Variants in KCNJ10 observed in about 807,000 individuals in gnomAD.
KCNJ10 encodes the protein ATP-sensitive inward rectifier potassium channel 10.
A neutral mutation model predicts 22.2 loss-of-function variants in KCNJ10; 9 were observed. The observed-to-expected ratio is 0.40, with a 90% confidence interval of 0.24 to 0.71. KCNJ10 has a LOEUF of 0.71. Among genes scored for constraint, KCNJ10 ranks in the 30% least tolerant of loss-of-function variants. The pLI, the probability that KCNJ10 is intolerant of heterozygous loss-of-function variation, is 0.35. For synonymous variants in KCNJ10, 184 were observed against 187.3 expected, an observed-to-expected ratio of 0.98 and a Z score of 0.15; for missense variants, 337 against 482.7, an observed-to-expected ratio of 0.70 and a Z score of 2.83.
intron 1 of KCNJ10, among the ~76,000 whole-genome samples, chr1:160,049,680 TATATATATATATATATATA>T (rs1557970355): frequency 0.015 from 1,102 of 71,370 alleles, 66 homozygotes; most frequent in African/African-American, 0.059. Flanking sequence ...TTTATTTATA[TATATATATATATATATATA>T]TATATATATA....
intron 1 of KCNJ10, among the ~76,000 whole-genome samples, chr1:160,049,685 A>ATATT (rs1648844566): frequency 1.0e-5 from 1 of 98,864 alleles, no homozygotes; most frequent in Admixed American, 1.0e-4. Flanking sequence ...TTATATATAT[A>ATATT]TATATATATA....
At position 160,040,729 on chromosome 1, in the gene KCNJ10, G is replaced by A. The variant is rs1020011282; in HGVS notation, c.*664C>T. ...TCTTGGGCCAACTCCAATTCTCTGAGAACAGAGGCTATGAGGGAACTGGGT... is the reference window on the plus strand; with the variant it reads ...TCTTGGGCCAACTCCAATTCTCTGAAAACAGAGGCTATGAGGGAACTGGGT... On this transcript the variant is annotated 3_prime_UTR_variant, in exon 2 of 2. Coordinates refer to ENST00000644903, the MANE Select transcript of KCNJ10 (RefSeq NM_002241.5). 5.0e-6 allele frequency: 2 copies of A among 398,144 alleles called. No homozygotes were observed. The highest frequency in any genetic ancestry group is 8.8e-6 in the Non-Finnish European group (2 of 226,250). 24.7% of individuals were successfully genotyped at this position (398,144 alleles called of 1,614,324 possible).
chr1:160,058,532 C>A (rs1324667454), intron 1 of KCNJ10, among the ~76,000 whole-genome samples: 1 of 152,228 alleles, frequency 6.6e-6, no homozygotes, highest in Non-Finnish European at 1.5e-5. Flanking sequence ...CTTAAAGCTT[C>A]TTCCTGCACT....
intron 1 of KCNJ10, chr1:160,063,588 A>G (rs902781305): frequency 2.0e-5 from 3 of 152,320 alleles, no homozygotes; most frequent in African/African-American, 7.2e-5. Flanking sequence ...GGGAAAAGAA[A>G]GGTAAAGTCT....
intron 1 of KCNJ10, among the ~76,000 whole-genome samples, chr1:160,068,572 C>T (rs1194521923): frequency 6.6e-6 from 1 of 152,180 alleles, no homozygotes; most frequent in Non-Finnish European, 1.5e-5. Flanking sequence ...CAGCCCTGGA[C>T]CCTCTCCCTG....
chr1:160,065,080 G>C (rs41265755), intron 1 of KCNJ10: 1 of 152,072 alleles, frequency 6.6e-6, no homozygotes, highest in Non-Finnish European at 1.5e-5. Flanking sequence ...ATTTGTGTTG[G>C]GGGGGTGGGT....
chr1:160,061,304 C>T (rs1214619201), intron 1 of KCNJ10, among the ~76,000 whole-genome samples: 3 of 152,190 alleles, frequency 2.0e-5, no homozygotes, highest in Non-Finnish European at 4.4e-5. Flanking sequence ...CTCTCAGAGC[C>T]TTGCTGGGAA....
chr1:160,052,880 T>C (rs1018910546), intron 1 of KCNJ10, among the ~76,000 whole-genome samples: 3 of 152,234 alleles, frequency 2.0e-5, no homozygotes, highest in Admixed American at 6.5e-5. Context: ...CTAAATTTAG[T>C]ATATTTCCTG....
chr1:160,039,897 A>AT lies in KCNJ10; in HGVS notation c.*1495_*1496insA, dbSNP rs1648564505. 1 of 152,278 alleles carries AT rather than the reference A, an allele frequency of 6.6e-6. No individual in the cohort carries two copies. The highest frequency in any genetic ancestry group is 6.5e-5 in the Admixed American group (1 of 15,286). The allele number at this position is 152,278 out of a possible 1,614,324, so 9.4% of individuals were successfully genotyped here. A position where few individuals can be genotyped will look rare whatever the true frequency, so the allele number is the denominator to read the frequency against. ...ACTCTAGGGATTTGGGGCTTTGGATAAAGCTCTGGTGCCTATATGCCCTTC... is the reference window on the plus strand; with the variant it reads ...ACTCTAGGGATTTGGGGCTTTGGATATAAGCTCTGGTGCCTATATGCCCTTC... On this transcript the variant is annotated 3_prime_UTR_variant, in exon 2 of 2. Coordinates refer to ENST00000644903, the MANE Select transcript of KCNJ10 (RefSeq NM_002241.5).
At chr1:160,050,635 C>G (rs946688407) in intron 1 of KCNJ10, among the ~76,000 whole-genome samples, 12 of 152,112 alleles carry the variant, frequency 7.9e-5, no homozygotes, top group African/African-American at 2.2e-4. Context: ...GAAGGGAAAA[C>G]TGACATCTAG....
intron 1 of KCNJ10, among the ~76,000 whole-genome samples, chr1:160,048,960 C>T (rs1247947934): frequency 6.6e-6 from 1 of 152,192 alleles, no homozygotes; most frequent in Admixed American, 6.5e-5. Flanking sequence ...TCCTCAAATA[C>T]ACCTCTGATC....
chr1:160,066,414 C>T (rs1557975453), intron 1 of KCNJ10, among the ~76,000 whole-genome samples: 1 of 152,038 alleles, frequency 6.6e-6, no homozygotes, highest in Non-Finnish European at 1.5e-5. Context: ...AAAGCAAAAC[C>T]CACAAAGAAG....
intron 1 of KCNJ10, among the ~76,000 whole-genome samples, chr1:160,048,475 T>A (rs1648803883): frequency 6.6e-6 from 1 of 152,146 alleles, no homozygotes; most frequent in South Asian, 2.1e-4. Context: ...TTATGCTAAA[T>A]TAGGTGACTA....
intron 1 of KCNJ10, among the ~76,000 whole-genome samples, chr1:160,044,136 T>C (rs1648683112): frequency 6.6e-6 from 1 of 152,084 alleles, no homozygotes; most frequent in Non-Finnish European, 1.5e-5. Context: ...AGATCACCAA[T>C]GGATGAGAAC....
At chr1:160,045,763 G>A (rs1015594352) in intron 1 of KCNJ10, among the ~76,000 whole-genome samples, 4 of 152,192 alleles carry the variant, frequency 2.6e-5, no homozygotes, top group Admixed American at 2.6e-4. Context: ...GAAGGAAATA[G>A]GGAAGTTGAT....
Position 160,042,010 on chromosome 1 carries a change from G to A in KCNJ10, c.523C>T (p.Arg175Trp), listed in dbSNP as rs755133855. ...FLAKIARPKK[R>W]AETIRFSQHA... ...TGGCTGAAACGAATGGTCTCAGCCCGCTTCTTGGGCCGGGCAATCTTCGCC... is the reference window on the plus strand; with the variant it reads ...TGGCTGAAACGAATGGTCTCAGCCCACTTCTTGGGCCGGGCAATCTTCGCC... Residue 175 changes from arginine to tryptophan, a missense_variant, in exon 2 of 2, where the codon CGG (arginine) becomes TGG (tryptophan). Coordinates refer to ENST00000644903, the MANE Select transcript of KCNJ10 (RefSeq NM_002241.5). The A allele has an allele frequency of 3.8e-6, 6 of 1,568,292 alleles. No homozygotes were observed. Among genetic ancestry groups the A allele is most frequent in the South Asian group, 2.4e-5 (2 of 82,492 alleles).
rs555170283 is a variant in KCNJ10, at chr1:160,059,841, A to G, written c.-1+10181T>C. Among the ~76,000 whole-genome samples, 13 of 152,282 alleles carry G rather than the reference A, an allele frequency of 8.5e-5. No homozygotes were observed. The South Asian group carries it at 2.7e-3, about 32-fold the overall frequency. On this transcript the variant is annotated intron_variant, in intron 1 of 1. Transcript: ENST00000644903. The stretch of plus-strand genomic sequence containing the variant: ...GGGACTTTTCCTTCTCATCAAGGCA[A>G]TGAGTTCTCCACCTCTTTCTGTCCC...
intron 1 of KCNJ10, among the ~76,000 whole-genome samples, chr1:160,059,334 G>A (rs965306520): frequency 6.6e-6 from 1 of 152,136 alleles, no homozygotes; most frequent in African/African-American, 2.4e-5. Context: ...CTAGAAGAGG[G>A]GGGTAACTTT....
In KCNJ10 at chr1:160,040,365, C is replaced by T. The variant is rs936561111; in HGVS notation, c.*1028G>A. On this transcript the variant is annotated 3_prime_UTR_variant, in exon 2 of 2. Coordinates refer to ENST00000644903, the MANE Select transcript of KCNJ10 (RefSeq NM_002241.5). ...GTGAATCTAGTTTTACTTGAGCATCCGTGTTAAGAGAGGAAGGCCCTTGCA... is the reference window on the plus strand; with the variant it reads ...GTGAATCTAGTTTTACTTGAGCATCTGTGTTAAGAGAGGAAGGCCCTTGCA... The T allele has an allele frequency of 2.0e-5, 8 of 393,860 alleles. No individual in the cohort carries two copies. The highest frequency in any genetic ancestry group is 1.0e-4 in the African/African-American group (5 of 48,508). The allele number at this position is 393,860 out of a possible 1,614,324, so 24.4% of individuals were successfully genotyped here. A position where few individuals can be genotyped will look rare whatever the true frequency, so the allele number is the denominator to read the frequency against.
Sources: allele counts gnomAD v4.1 joint callset (sites outside exome capture counted in the v4.1 genomes callset), GRCh38; gene constraint gnomAD v4.1.1; transcripts MANE v1.5; gene names NCBI Gene and HGNC (gene_info 2026-07-23, HGNC 2026-07-21).